The following PTPRD variants were observed in gnomAD, a reference collection of about 807,000 sequenced individuals.
PTPRD encodes the protein receptor-type tyrosine-protein phosphatase delta.
Under a neutral mutation model 214.5 loss-of-function variants are expected in PTPRD, and 34 were observed. The observed-to-expected ratio is 0.16, with a 90% CI of 0.12 to 0.21. PTPRD has a LOEUF of 0.21. Ranked by LOEUF, PTPRD falls within the 10% of genes least tolerant of loss-of-function variation. The pLI is 1.00. For missense variants in PTPRD, 2,545 were observed against 2,398.7 expected (o/e 1.06, Z -1.27); for synonymous variants, 1,128 against 845.7 (o/e 1.33, Z -5.79).
intron 2 of PTPRD, among the ~76,000 whole-genome samples, chr9:10,344,925 T>A (rs1414962222): frequency 6.6e-6 from 1 of 152,190 alleles, no homozygotes; most frequent in Non-Finnish European, 1.5e-5. Context: ...TGTCTCATAT[T>A]TATGTTATTC....
intron 3 of PTPRD, among the ~76,000 whole-genome samples, chr9:10,087,113 G>C (rs1183586227): frequency 6.8e-6 from 1 of 146,424 alleles, no homozygotes; most frequent in Non-Finnish European, 1.5e-5. Flanking sequence ...AACAATGCTT[G>C]ATTTTTCTCA....
At chr9:10,182,098 C>CAA (rs34271343) in intron 3 of PTPRD, among the ~76,000 whole-genome samples, 2 of 120,986 alleles carry the variant, frequency 1.7e-5, no homozygotes, top group Non-Finnish European at 1.8e-5. Context: ...ACTAAAAATA[C>CAA]AAAAAAAAAA....
At chr9:10,554,669 T>A in intron 2 of PTPRD, among the ~76,000 whole-genome samples, 1 of 152,200 alleles carries the variant, frequency 6.6e-6, no homozygotes, top group East Asian at 1.9e-4. Flanking sequence ...TTTTTGTTTT[T>A]GTTTTTTTCA....
chr9:10,496,134 A>C (rs906243444), intron 2 of PTPRD, among the ~76,000 whole-genome samples: 3 of 151,634 alleles, frequency 2.0e-5, no homozygotes, highest in African/African-American at 7.3e-5. Context: ...ATTAAAAAAC[A>C]GCCTTTGTTT....
intron 8 of PTPRD, among the ~76,000 whole-genome samples, chr9:9,419,128 TACACACAC>T (rs142908778): frequency 2.1e-4 from 29 of 139,986 alleles, no homozygotes; most frequent in East Asian, 6.4e-4. Context: ...AGGCCCCTTA[TACACACAC>T]ACACACACAC....
chr9:9,222,019 TA>T (rs1040821870), intron 9 of PTPRD, among the ~76,000 whole-genome samples: 4 of 152,104 alleles, frequency 2.6e-5, no homozygotes, highest in African/African-American at 9.7e-5. Context: ...AAATTCATAA[TA>T]AAAGCAAGGG....
In PTPRD at chr9:9,275,208, T is replaced by C. The variant is rs1456014332; in HGVS notation, c.-202-91845A>G. On this transcript the variant is annotated intron_variant, in intron 9 of 45. Transcript: ENST00000381196. ...GTTATATATATATATATTATATATATATATATATAACCATTAGCATTTCAT... is the reference window on the plus strand; with the variant it reads ...GTTATATATATATATATTATATATACATATATATAACCATTAGCATTTCAT... Among the ~76,000 whole-genome samples the C allele has an allele frequency of 5.0e-5, 4 of 80,564 alleles. 1 individual carries two copies. Among genetic ancestry groups the C allele is most frequent in the Non-Finnish European group, 9.1e-5 (4 of 43,792 alleles). 52.9% of individuals were successfully genotyped at this position (80,564 alleles called of 152,430 possible). A position where few individuals can be genotyped will look rare whatever the true frequency, so the allele number is the denominator to read the frequency against.
intron 7 of PTPRD, among the ~76,000 whole-genome samples, chr9:9,695,663 G>C (rs774049564): frequency 1.3e-5 from 2 of 152,110 alleles, no homozygotes; most frequent in African/African-American, 2.4e-5. Context: ...ATGATCAAAT[G>C]TGTTTGTTCT....
chr9:10,430,653 C>T (rs2098668655), intron 2 of PTPRD, among the ~76,000 whole-genome samples: 1 of 151,752 alleles, frequency 6.6e-6, no homozygotes, highest in African/African-American at 2.4e-5. Flanking sequence ...AATAATAATG[C>T]AAATTAATTA....
At chr9:8,917,741 A>T (rs2098797029) in intron 11 of PTPRD, among the ~76,000 whole-genome samples, 1 of 152,308 alleles carries the variant, frequency 6.6e-6, no homozygotes. Flanking sequence ...GGATGCACCT[A>T]TAAATGTGTT....
At chr9:9,977,134 C>T (rs1293996163) in intron 4 of PTPRD, among the ~76,000 whole-genome samples, 1 of 152,160 alleles carries the variant, frequency 6.6e-6, no homozygotes, top group African/African-American at 2.4e-5. Context: ...TACAAAATCT[C>T]TGAAGCTTGC....
At chr9:10,534,797 T>C (rs2057356998) in intron 2 of PTPRD, among the ~76,000 whole-genome samples, 1 of 152,200 alleles carries the variant, frequency 6.6e-6, no homozygotes, top group African/African-American at 2.4e-5. Context: ...TTTCATTTAA[T>C]TAGTCCTCTC....
intron 5 of PTPRD, among the ~76,000 whole-genome samples, chr9:9,832,575 A>G (rs941948513): frequency 6.6e-6 from 1 of 151,974 alleles, no homozygotes; most frequent in African/African-American, 2.4e-5. Context: ...TACCTCATTC[A>G]TACTTCTAGG....
At chr9:9,990,629 A>G (rs1160543496) in intron 4 of PTPRD, among the ~76,000 whole-genome samples, 1 of 152,230 alleles carries the variant, frequency 6.6e-6, no homozygotes, top group Non-Finnish European at 1.5e-5. Flanking sequence ...TTCTTAGAAA[A>G]TAGAAAGTAG....
In PTPRD at chr9:8,780,236, C is replaced by T. The variant is rs947028155; in HGVS notation, c.-103-46290G>A. Among the ~76,000 whole-genome samples the T allele has an allele frequency of 5.3e-5, 8 of 152,162 alleles. 1 individual carries two copies. The highest frequency in any genetic ancestry group is 9.6e-5 in the African/African-American group (4 of 41,506). On this transcript the variant is annotated intron_variant, in intron 11 of 45. Coordinates refer to ENST00000381196, the MANE Select transcript of PTPRD (RefSeq NM_002839.4). The stretch of plus-strand genomic sequence containing the variant: ...TAAAAATTCTAGATAATTATTCCAC[C>T]GCACAGGATTAGGCCATTTATTCAA...
intron 9 of PTPRD, among the ~76,000 whole-genome samples, chr9:9,287,764 A>G (rs1051535297): frequency 6.6e-6 from 1 of 151,942 alleles, no homozygotes. Context: ...ACACATTTGT[A>G]TAAGTCTGTT....
At chr9:9,792,166 T>C (rs1177978899) in intron 5 of PTPRD, among the ~76,000 whole-genome samples, 3 of 152,086 alleles carry the variant, frequency 2.0e-5, no homozygotes, top group African/African-American at 7.2e-5. Context: ...AGCTTTTCAG[T>C]GTGGCAGCAA....
chr9:9,120,195 G>C (rs2099816286), intron 10 of PTPRD, among the ~76,000 whole-genome samples: 1 of 152,196 alleles, frequency 6.6e-6, no homozygotes, highest in African/African-American at 2.4e-5. Flanking sequence ...AAGTCATAGA[G>C]AAGTACTAGA....
At chr9:9,750,146 C>T (rs2098502497) in intron 6 of PTPRD, among the ~76,000 whole-genome samples, 1 of 152,064 alleles carries the variant, frequency 6.6e-6, no homozygotes, top group Admixed American at 6.6e-5. Flanking sequence ...ATGCTAAATC[C>T]TTTATTCCTC....
Sources: gnomAD v4.1 joint callset for allele counts (sites outside exome capture counted in the v4.1 genomes callset) on GRCh38, gnomAD v4.1.1 for gene constraint, MANE v1.5 for transcripts, NCBI Gene and HGNC (gene_info 2026-07-23, HGNC 2026-07-21) for gene names.